The following ANKRD12 variants were observed in gnomAD, a reference collection of about 807,000 sequenced individuals.
ANKRD12 encodes ankyrin repeat domain 12.
Under a neutral mutation model 183.4 loss-of-function variants are expected in ANKRD12, and 85 were observed. That is an observed-to-expected ratio of 0.46 (90% CI 0.39 to 0.56). The LOEUF (loss-of-function observed/expected upper bound fraction) is 0.56. ANKRD12 is among the 20% of genes least tolerant of loss of function. The pLI, the probability that ANKRD12 is intolerant of heterozygous loss-of-function variation, is 0.00. For synonymous variants in ANKRD12, 914 were observed against 800.2 expected (o/e 1.14, Z -2.40); for missense variants, 2,405 against 2,357.1 (o/e 1.02, Z -0.42).
chr18:9,242,334 A>G (rs1272565810), intron 8 of ANKRD12, among the ~76,000 whole-genome samples: 1 of 152,188 alleles, frequency 6.6e-6, no homozygotes, highest in African/African-American at 2.4e-5. Context: ...AGCAACTTAA[A>G]GTGAGTCTGT....
chr18:9,156,903 T>C (rs759672539), intron 1 of ANKRD12, among the ~76,000 whole-genome samples: 34 of 152,316 alleles, frequency 2.2e-4, no homozygotes, highest in Admixed American at 1.1e-3. Context: ...AAATATCATA[T>C]GATTGCACTT....
At chr18:9,168,326 T>C (rs1026602016) in intron 1 of ANKRD12, among the ~76,000 whole-genome samples, 5 of 152,212 alleles carry the variant, frequency 3.3e-5, no homozygotes, top group East Asian at 1.9e-4. Flanking sequence ...CTGGTAGAAT[T>C]CGGCTGTGAA....
At chr18:9,247,604 A>T (rs74686567) in intron 8 of ANKRD12, among the ~76,000 whole-genome samples, 1,577 of 152,190 alleles carry the variant, frequency 0.01, 22 homozygotes, top group African/African-American at 0.036. Flanking sequence ...CTCGTAAAAT[A>T]TGTGTTTTAA....
intron 1 of ANKRD12, among the ~76,000 whole-genome samples, chr18:9,169,043 T>C (rs1421094597): frequency 6.6e-6 from 1 of 152,214 alleles, no homozygotes; most frequent in Non-Finnish European, 1.5e-5. Flanking sequence ...AGTGAGTTTC[T>C]TAATCCTGAG....
chr18:9,248,227 A>G (rs1240760465), intron 8 of ANKRD12, among the ~76,000 whole-genome samples: 1 of 152,216 alleles, frequency 6.6e-6, no homozygotes, highest in Non-Finnish European at 1.5e-5. Flanking sequence ...GGAGATCGTA[A>G]TTTTAATGGT....
intron 1 of ANKRD12, among the ~76,000 whole-genome samples, chr18:9,139,536 A>G (rs1402568039): frequency 1.3e-5 from 2 of 152,198 alleles, no homozygotes; most frequent in African/African-American, 2.4e-5. Flanking sequence ...TAGGAGCATT[A>G]TTTCAGTCCA....
intron 8 of ANKRD12, among the ~76,000 whole-genome samples, chr18:9,247,410 T>C (rs533343886): frequency 3.2e-4 from 48 of 151,864 alleles, no homozygotes; most frequent in South Asian, 1.3e-3. Context: ...GCCCAGGAGC[T>C]CAAGGTTACA....
intron 10 of ANKRD12, among the ~76,000 whole-genome samples, chr18:9,269,131 A>C (rs566379201): frequency 6.6e-6 from 1 of 152,360 alleles, no homozygotes; most frequent in African/African-American, 2.4e-5. Context: ...GGATACAAAC[A>C]AATAGAAGAA....
At chr18:9,187,249 T>A (rs1344045085) in intron 2 of ANKRD12, among the ~76,000 whole-genome samples, 1 of 151,296 alleles carries the variant, frequency 6.6e-6, no homozygotes, top group Non-Finnish European at 1.5e-5. Flanking sequence ...AAGACCCCCG[T>A]CTCTACCAAA....
intron 1 of ANKRD12, among the ~76,000 whole-genome samples, chr18:9,155,207 T>G (rs978382064): frequency 2.6e-5 from 4 of 152,204 alleles, no homozygotes; most frequent in Admixed American, 2.6e-4. Flanking sequence ...CAATAAGACC[T>G]AGTATTTGCT....
intron 8 of ANKRD12, among the ~76,000 whole-genome samples, chr18:9,238,494 A>G (rs997785171): frequency 5.9e-5 from 9 of 152,176 alleles, no homozygotes; most frequent in African/African-American, 9.7e-5. Context: ...TTCGTGTTCT[A>G]TCTTAATTAG....
chr18:9,234,327 C>T (rs1221733972), intron 8 of ANKRD12, among the ~76,000 whole-genome samples: 2 of 152,118 alleles, frequency 1.3e-5, no homozygotes, highest in Non-Finnish European at 2.9e-5. Context: ...AGAAGCTGCT[C>T]CACCAGTGGC....
rs1303851348 is a variant in ANKRD12 at position 9,257,542 on chromosome 18, A to G, written c.4275A>G (p.Arg1425=). The part of the protein sequence containing the change: ...QNKSWEMPVD[R]LETLSTRDFI... ...AATCATGGGAGATGCCTGTTGATAG[A>G]CTAGAGACATTAAGCACCAGAGACT... Residue 1425 remains arginine, a synonymous_variant, in exon 9 of 13, where the codon AGA becomes AGG. Coordinates refer to ENST00000262126, the MANE Select transcript of ANKRD12 (RefSeq NM_015208.5). The G allele has an allele frequency of 6.2e-7, 1 of 1,614,016 alleles. No homozygotes were observed. The highest frequency in any genetic ancestry group is 1.3e-5 in the African/African-American group (1 of 74,924).
At chr18:9,181,359 A>G (rs1376911172) in intron 1 of ANKRD12, among the ~76,000 whole-genome samples, 4 of 152,206 alleles carry the variant, frequency 2.6e-5, no homozygotes, top group African/African-American at 9.7e-5. Context: ...TACTCTGTTC[A>G]AGGTGTCTGA....
intron 10 of ANKRD12, 40 bp from the exon 11 acceptor site, chr18:9,275,481 TTTG>T (rs754714062): frequency 1.3e-6 from 2 of 1,580,592 alleles, no homozygotes; most frequent in African/African-American, 2.7e-5. Flanking sequence ...TAAACAAAAA[TTTG>T]TTGAAGAATT....
rs1213408741 is a variant in ANKRD12, at chr18:9,257,575, C to T, written c.4308C>T (p.Cys1436=). Residue 1436 remains cysteine, a synonymous_variant, in exon 9 of 13, where the codon TGC becomes TGT. Transcript: ENST00000262126. ...LETLSTRDFI[C]PNSNIPDQES... The stretch of plus-strand genomic sequence containing the variant: ...CATTAAGCACCAGAGACTTTATCTG[C>T]CCAAATTCTAACATACCTGATCAAG... 1 of 1,613,874 alleles carries T rather than the reference C, an allele frequency of 6.2e-7. No homozygotes were observed. The highest frequency in any genetic ancestry group is 8.5e-7 in the Non-Finnish European group (1 of 1,179,980).
At position 9,258,441 on chromosome 18, in the gene ANKRD12, A is replaced by G; in HGVS notation, c.5174A>G (p.Asp1725Gly). Residue 1725 changes from aspartate (D) to glycine (G), a missense_variant, in exon 9 of 13, where the codon GAT (aspartate) becomes GGT (glycine). Transcript: ENST00000262126. ...GAATTAGAAGAAAATGCCGAAGATGATAAAACTGAAAACCAAATCCCTCAA... is the reference window on the plus strand; with the variant it reads ...GAATTAGAAGAAAATGCCGAAGATGGTAAAACTGAAAACCAAATCCCTCAA... ...KVELEENAED[D>G]KTENQIPQRM... 2 of 1,613,842 alleles carry G rather than the reference A, an allele frequency of 1.2e-6. No homozygotes were observed. Among genetic ancestry groups the G allele is most frequent in the Non-Finnish European group, 1.7e-6 (2 of 1,179,950 alleles).
At chr18:9,254,182 C>A in intron 8 of ANKRD12, 29 bp from the exon 9 acceptor site, 2 of 1,460,106 alleles carry the variant, frequency 1.4e-6, no homozygotes, top group South Asian at 1.6e-5. Context: ...TTGTTTGACC[C>A]ACACCACATT....
At chr18:9,210,877 T>TATA in intron 5 of ANKRD12, among the ~76,000 whole-genome samples, 1 of 152,160 alleles carries the variant, frequency 6.6e-6, no homozygotes, top group South Asian at 2.1e-4. Flanking sequence ...GTTCCTTTTA[T>TATA]ATAGTTGTAA....
Sources: gnomAD v4.1 joint callset for allele counts (sites outside exome capture counted in the v4.1 genomes callset) on GRCh38, gnomAD v4.1.1 for gene constraint, MANE v1.5 for transcripts, NCBI Gene and HGNC (gene_info 2026-07-23, HGNC 2026-07-21) for gene names.